USP33: variants seen among roughly 807,000 people sequenced by gnomAD.
The protein encoded by USP33 is ubiquitin specific peptidase 33, also known as ubiquitin carboxyl-terminal hydrolase 33.
Under a neutral mutation model 124.2 loss-of-function variants are expected in USP33, and 46 were observed. The observed-to-expected ratio is 0.37, with a 90% CI of 0.29 to 0.47. The LOEUF (loss-of-function observed/expected upper bound fraction) is 0.47. Among genes scored for constraint, USP33 ranks in the 20% least tolerant of loss-of-function variants. The probability of loss-of-function intolerance (pLI) is 0.99; values close to 1 mark genes in which losing one functional copy is unlikely to be tolerated. For missense variants in USP33, 851 were observed against 1,070.6 expected (o/e 0.79, Z 2.86); for synonymous variants, 350 against 352.3 (o/e 0.99, Z 0.07).
chr1:77,720,187 A>C (rs1052985588), intron 15 of USP33: 30 of 485,802 alleles, frequency 6.2e-5, no homozygotes, highest in Admixed American at 1.3e-4. Flanking sequence ...AAAAAAAAAA[A>C]AAAAAAACCT....
At chr1:77,732,127 C>A (rs944690058) in intron 7 of USP33, among the ~76,000 whole-genome samples, 82 of 148,826 alleles carry the variant, frequency 5.5e-4, no homozygotes, top group South Asian at 8.5e-4. Flanking sequence ...AAAAAAAAAA[C>A]CAGAATTCTG....
intron 10 of USP33, 118 bp from the exon 11 acceptor site, chr1:77,725,880 G>T: frequency 1.0e-6 from 1 of 996,570 alleles, no homozygotes; most frequent in Non-Finnish European, 1.4e-6. Flanking sequence ...CAAATGTCAA[G>T]TTAAATACTT....
chr1:77,759,252 C>A (rs574490788), intron 1 of USP33: 19 of 215,814 alleles, frequency 8.8e-5, no homozygotes, highest in Non-Finnish European at 1.5e-4. Flanking sequence ...CAGGAGCCGG[C>A]GCGCTGCAGG....
Position 77,729,947 on chromosome 1 carries a change from G to T in USP33, c.639-9C>A, listed in dbSNP as rs375890606. 15 of 1,589,396 alleles carry T rather than the reference G, an allele frequency of 9.4e-6. No homozygotes were observed. In the East Asian group the frequency reaches 3.4e-4, roughly 36 times the overall value. On this transcript the variant is annotated splice_polypyrimidine_tract_variant and intron_variant, in intron 8 of 23. Transcript: ENST00000370794. ...GCACAACAGATCCTGGCCTGAGCAA[G>T]AAAACATTTTTAAAGAGCAATTTTT...
chr1:77,715,597 A>G, intron 18 of USP33, 145 bp downstream of exon 18: 1 of 861,232 alleles, frequency 1.2e-6, no homozygotes, highest in Non-Finnish European at 1.7e-6. Context: ...CTACATATAC[A>G]GCCTTTCACT....
intron 1 of USP33, among the ~76,000 whole-genome samples, chr1:77,756,251 C>G (rs906278553): frequency 7.9e-5 from 12 of 152,126 alleles, no homozygotes; most frequent in Non-Finnish European, 1.6e-4. Context: ...CTCCCCTCCT[C>G]ACTTTCTATC....
chr1:77,741,512 A>G, intron 2 of USP33, 83 bp from the exon 3 acceptor site: 4 of 1,539,752 alleles, frequency 2.6e-6, no homozygotes, highest in Non-Finnish European at 2.6e-6. Context: ...GACATCATAC[A>G]TATTTTTAAA....
intron 1 of USP33, chr1:77,746,478 A>G (rs1310326906): frequency 2.0e-5 from 3 of 152,364 alleles, no homozygotes. Flanking sequence ...ATTCCTTCTG[A>G]AACTATTCCA....
chr1:77,744,707 T>G (rs977763631), intron 1 of USP33, among the ~76,000 whole-genome samples: 1 of 151,994 alleles, frequency 6.6e-6, no homozygotes, highest in African/African-American at 2.4e-5. Context: ...CATCCAGGCA[T>G]GGTGGCACGT....
At chr1:77,711,571 C>T (rs920467991) in intron 21 of USP33, 176 bp downstream of exon 21, 15 of 960,134 alleles carry the variant, frequency 1.6e-5, no homozygotes, top group Admixed American at 3.5e-5. Flanking sequence ...AAAGGGAGAA[C>T]ATAACTCAAC....
chr1:77,697,248 G>T lies in USP33; in HGVS notation c.*69C>A. 7.4e-7 allele frequency: 1 copy of T among 1,346,626 alleles called. No individual in the cohort carries two copies. Among genetic ancestry groups the T allele is most frequent in the Non-Finnish European group, 9.9e-7 (1 of 1,008,660 alleles). 83.4% of individuals were successfully genotyped at this position (1,346,626 alleles called of 1,614,324 possible). ...AGCAAATAAACACGCTTTTAGGAAT[G>T]TTTTCGCATGTGTACATGTCAGGGC... On this transcript the variant is annotated 3_prime_UTR_variant, in exon 24 of 24. Coordinates refer to ENST00000370794, the MANE Select transcript of USP33 (RefSeq NM_201624.3).
chr1:77,754,392 C>A (rs773500395), intron 1 of USP33, among the ~76,000 whole-genome samples: 8 of 151,926 alleles, frequency 5.3e-5, no homozygotes, highest in African/African-American at 1.7e-4. Flanking sequence ...TAAAAGCAAG[C>A]CAAAAAAACT....
intron 1 of USP33, among the ~76,000 whole-genome samples, chr1:77,751,954 C>T (rs757875241): frequency 1.3e-5 from 2 of 152,004 alleles, no homozygotes; most frequent in Non-Finnish European, 2.9e-5. Context: ...TCCCAAAGTG[C>T]TGGGATTACA....
At position 77,728,508 on chromosome 1, in the gene USP33, A is replaced by G. The variant is rs1468621886; in HGVS notation, c.922T>C (p.Phe308Leu). 3 of 1,614,150 alleles carry G rather than the reference A, an allele frequency of 1.9e-6. No individual in the cohort carries two copies. In the East Asian group the frequency reaches 6.7e-5, roughly 36 times the overall value. The change falls in exon 10 of 24, where the codon TTT becomes CTT. Residue 308 changes from phenylalanine to leucine, a missense_variant. Physicochemically the swap from Phe to Leu is conservative, Grantham distance 22. Transcript: ENST00000370794. ...GTTGTTTCATTATTATCTTCAGAAA[A>G]GCATCTAGAGCCATTTTCATTTTCT... ...RAENENGSRC[F>L]SEDNNETTML...
intron 1 of USP33, among the ~76,000 whole-genome samples, chr1:77,745,858 A>G (rs1371589612): frequency 6.6e-6 from 1 of 152,232 alleles, no homozygotes; most frequent in Non-Finnish European, 1.5e-5. Context: ...AACATACCAG[A>G]ATCTCTGGGA....
chr1:77,722,272 T>A, intron 12 of USP33, 76 bp from the exon 13 acceptor site: 1 of 1,312,294 alleles, frequency 7.6e-7, no homozygotes, highest in Non-Finnish European at 1.0e-6. Context: ...TTTTAGACTC[T>A]AAAGATCAAA....
chr1:77,720,919 C>T (rs1211409224), intron 15 of USP33, among the ~76,000 whole-genome samples: 5 of 152,088 alleles, frequency 3.3e-5, no homozygotes, highest in African/African-American at 4.8e-5. Context: ...TTTAGGAAAA[C>T]GTTTTATGCA....
intron 17 of USP33, among the ~76,000 whole-genome samples, chr1:77,716,868 CT>C (rs202208218): frequency 0.034 from 4,864 of 142,382 alleles, 67 homozygotes; most frequent in Middle Eastern, 0.099. Flanking sequence ...TCTTTTTTTT[CT>C]TTTTTTTTTT....
At position 77,723,322 on chromosome 1, in the gene USP33, C is replaced by CA. The variant is rs1468447319; in HGVS notation, c.1389+8dup. The stretch of plus-strand genomic sequence containing the variant: ...AATTTTCTGTGTATTCTAATACCCT[C>CA]ATACTCACCCTGTCACAAGTCAGAC... On this transcript the variant is annotated intron_variant, in intron 12 of 23. Coordinates refer to ENST00000370794, the MANE Select transcript of USP33 (RefSeq NM_201624.3). 1 of 1,574,040 alleles carries CA rather than the reference C, an allele frequency of 6.4e-7. No individual in the cohort carries two copies. The highest frequency in any genetic ancestry group is 1.7e-5 in the Admixed American group (1 of 59,092).
Sources: allele counts gnomAD v4.1 joint callset (sites outside exome capture counted in the v4.1 genomes callset), GRCh38; gene constraint gnomAD v4.1.1; transcripts MANE v1.5; gene names NCBI Gene and HGNC (gene_info 2026-07-23, HGNC 2026-07-21).